FAM107B: variants seen among roughly 807,000 people sequenced by gnomAD.
FAM107B encodes the protein protein FAM107B.
FAM107B carries 21 observed loss-of-function variants against 31.5 expected under a neutral mutation model. The observed-to-expected ratio is 0.67, with a 90% confidence interval of 0.47 to 0.96. The LOEUF (loss-of-function observed/expected upper bound fraction) is 0.96. FAM107B is among the 40% of genes least tolerant of loss of function. FAM107B has a pLI of 0.00. For synonymous variants in FAM107B, 157 were observed against 141.5 expected, an observed-to-expected ratio of 1.11 and a Z score of -0.78; for missense variants, 452 against 377.1, an observed-to-expected ratio of 1.20 and a Z score of -1.64.
intron 1 of FAM107B, among the ~76,000 whole-genome samples, chr10:14,706,061 A>T (rs1235177417): frequency 6.6e-6 from 1 of 152,214 alleles, no homozygotes; most frequent in Non-Finnish European, 1.5e-5. Flanking sequence ...AACCCAGACC[A>T]CTACAACTCT....
intron 1 of FAM107B, among the ~76,000 whole-genome samples, chr10:14,765,169 G>C (rs1047376529): frequency 6.6e-6 from 1 of 152,180 alleles, no homozygotes; most frequent in Non-Finnish European, 1.5e-5. Flanking sequence ...AACTGAATTG[G>C]AAATGCAATG....
Position 14,690,416 on chromosome 10 carries a change from A to G in FAM107B, c.412-22725T>C, listed in dbSNP as rs1224354496. Among the ~76,000 whole-genome samples the G allele has an allele frequency of 2.0e-5, 3 of 151,926 alleles. 1 individual carries two copies. The East Asian group carries it at 5.8e-4, about 29-fold the overall frequency. ...CTAGTATCCCTGGTGGCTGCTCTAC[A>G]TCTCACCCATACTTTCACAACTAGC... On this transcript the variant is annotated intron_variant, in intron 1 of 4. Transcript: ENST00000181796.
chr10:14,687,983 G>A (rs368692590), intron 1 of FAM107B, among the ~76,000 whole-genome samples: 14 of 152,326 alleles, frequency 9.2e-5, no homozygotes, highest in African/African-American at 3.4e-4. Flanking sequence ...TATTGCCAAA[G>A]GAGATTAACA....
intron 1 of FAM107B, among the ~76,000 whole-genome samples, chr10:14,736,229 A>T (rs1856296541): frequency 6.6e-6 from 1 of 152,358 alleles, no homozygotes; most frequent in East Asian, 1.9e-4. Flanking sequence ...TTTTCAAGAC[A>T]CAAGTCCATA....
At chr10:14,674,747 G>A (rs1434391440) in intron 1 of FAM107B, among the ~76,000 whole-genome samples, 1 of 151,404 alleles carries the variant, frequency 6.6e-6, no homozygotes, top group African/African-American at 2.4e-5. Context: ...TTGTTTTGTT[G>A]AGACAGGGTC....
At chr10:14,617,007 G>A (rs1852871541) in intron 2 of FAM107B, among the ~76,000 whole-genome samples, 1 of 151,658 alleles carries the variant, frequency 6.6e-6, no homozygotes, top group South Asian at 2.1e-4. Context: ...AATAAGAGAA[G>A]GATAAGGAAG....
chr10:14,550,690 G>A (rs541345137), intron 2 of FAM107B, among the ~76,000 whole-genome samples: 6 of 152,272 alleles, frequency 3.9e-5, no homozygotes, highest in Non-Finnish European at 8.8e-5. Flanking sequence ...TGTTGTAACA[G>A]GATTCATTAC....
chr10:14,706,758 T>C (rs1261728315), intron 1 of FAM107B, among the ~76,000 whole-genome samples: 3 of 152,332 alleles, frequency 2.0e-5, no homozygotes, highest in Non-Finnish European at 2.9e-5. Flanking sequence ...TGCCAATTGA[T>C]ATTGCCAATA....
chr10:14,711,569 T>C (rs571245996), intron 1 of FAM107B, among the ~76,000 whole-genome samples: 41 of 152,350 alleles, frequency 2.7e-4, no homozygotes, highest in African/African-American at 9.1e-4. Context: ...TAGGTGTGTG[T>C]AAGCACAGTC....
intron 1 of FAM107B, among the ~76,000 whole-genome samples, chr10:14,682,761 G>A (rs11259269): frequency 6.6e-6 from 1 of 151,972 alleles, no homozygotes; most frequent in Admixed American, 6.6e-5. Flanking sequence ...AGCTAGGGGA[G>A]GGATAGCATT....
chr10:14,529,520 A>G (rs1200931716), intron 3 of FAM107B: 1 of 152,150 alleles, frequency 6.6e-6, no homozygotes, highest in Non-Finnish European at 1.5e-5. Context: ...GCTAAACTTG[A>G]TCTGCGTATC....
rs1278549949 is a variant in FAM107B, at chr10:14,518,675, T to G, written c.*2515A>C. On this transcript the variant is annotated 3_prime_UTR_variant, in exon 5 of 5. Transcript: ENST00000181796. Reference sequence around the variant, plus strand: ...ATTATACAAGAGCAAATACAAAAAATATTAAATTATGAAAACCAATCCATT... The same window carrying G: ...ATTATACAAGAGCAAATACAAAAAAGATTAAATTATGAAAACCAATCCATT... The G allele has an allele frequency of 6.6e-6, 1 of 152,624 alleles. No individual in the cohort carries two copies. The highest frequency in any genetic ancestry group is 6.5e-5 in the Admixed American group (1 of 15,276). 9.5% of individuals were successfully genotyped at this position (152,624 alleles called of 1,614,324 possible).
At chr10:14,741,897 G>A (rs976642548) in intron 1 of FAM107B, among the ~76,000 whole-genome samples, 1 of 151,342 alleles carries the variant, frequency 6.6e-6, no homozygotes, top group African/African-American at 2.4e-5. Flanking sequence ...TAGTAGAGAC[G>A]GGGTTTCTAC....
intron 1 of FAM107B, among the ~76,000 whole-genome samples, chr10:14,772,607 T>C (rs1253877200): frequency 6.6e-6 from 1 of 152,142 alleles, no homozygotes; most frequent in Admixed American, 6.6e-5. Context: ...CACAGTCAAC[T>C]GCCGCGTGTC....
intron 1 of FAM107B, among the ~76,000 whole-genome samples, chr10:14,670,226 C>G (rs1854508223): frequency 6.6e-6 from 1 of 152,152 alleles, no homozygotes; most frequent in Non-Finnish European, 1.5e-5. Context: ...TCATCAGAGA[C>G]CATTTCTAAA....
At chr10:14,543,443 A>G (rs1390331070) in intron 2 of FAM107B, among the ~76,000 whole-genome samples, 1 of 152,054 alleles carries the variant, frequency 6.6e-6, no homozygotes, top group Non-Finnish European at 1.5e-5. Flanking sequence ...CGGCCTCCTG[A>G]GCTCGGGAGA....
At chr10:14,773,079 G>T (rs951989637) in intron 1 of FAM107B, among the ~76,000 whole-genome samples, 1 of 152,060 alleles carries the variant, frequency 6.6e-6, no homozygotes, top group African/African-American at 2.4e-5. Context: ...TTTGGTTTTT[G>T]CTGGTTGGTT....
In FAM107B at chr10:14,579,840, G is replaced by A. The variant is rs138429127; in HGVS notation, c.470-49325C>T. Among the ~76,000 whole-genome samples, 418 of 151,992 alleles carry A rather than the reference G, an allele frequency of 2.8e-3. 6 individuals carry two copies. The highest frequency in any genetic ancestry group is 8.6e-3 in the African/African-American group (355 of 41,444). On this transcript the variant is annotated intron_variant, in intron 2 of 4. Transcript: ENST00000181796. ...AGTTCGAGACCAGCCTGGCCAATAC[G>A]GTGAAACCCCATCTCTACTAAAAAT...
intron 2 of FAM107B, among the ~76,000 whole-genome samples, chr10:14,558,021 T>C (rs528011938): frequency 6.6e-6 from 1 of 152,374 alleles, no homozygotes; most frequent in East Asian, 1.9e-4. Context: ...CGAATTCGTC[T>C]TTTGAGCTCC....
Sources: gnomAD v4.1 joint callset for allele counts (sites outside exome capture counted in the v4.1 genomes callset) on GRCh38, gnomAD v4.1.1 for gene constraint, MANE v1.5 for transcripts, NCBI Gene and HGNC (gene_info 2026-07-23, HGNC 2026-07-21) for gene names.